The following ALS2CL variants were observed in gnomAD, a reference collection of about 807,000 sequenced individuals.
ALS2CL encodes ALS2 C-terminal like, also known as ALS2 C-terminal-like protein.
ALS2CL carries 112 observed loss-of-function variants against 127.9 expected under a neutral mutation model. The ratio of observed to expected loss-of-function variants is 0.88; its 90% confidence interval spans 0.75 to 1.02. The LOEUF is 1.02. Among genes scored for constraint, ALS2CL ranks in the 50% least tolerant of loss-of-function variants. ALS2CL has a pLI of 0.00. For synonymous variants in ALS2CL, 519 were observed against 527.6 expected, an observed-to-expected ratio of 0.98 and a Z score of 0.22; for missense variants, 1,174 against 1,236.7, an observed-to-expected ratio of 0.95 and a Z score of 0.76.
rs746247404 is a variant in ALS2CL, at chr3:46,671,881, C to A, written c.2684+3G>T. ...CTGCACCCCCAGCTCCTGACTGCCT[C>A]ACCGGGCGCGCGACACCACGTAGAT... On this transcript the variant is annotated splice_donor_region_variant and intron_variant, in intron 24 of 25. Coordinates refer to ENST00000318962, the MANE Select transcript of ALS2CL (RefSeq NM_147129.5). The A allele has an allele frequency of 7.4e-6, 12 of 1,613,418 alleles. 1 individual carries two copies. The Admixed American group carries it at 1.8e-4, about 25-fold the overall frequency.
chr3:46,687,281 G>C, intron 4 of ALS2CL, 133 bp from the exon 5 acceptor site: 4 of 992,696 alleles, frequency 4.0e-6, no homozygotes, highest in Non-Finnish European at 5.7e-6. Flanking sequence ...TACCCTATCA[G>C]ATCAACACAG....
chr3:46,676,091 C>A (rs1575414756), intron 19 of ALS2CL, 154 bp downstream of exon 19: 1 of 1,380,738 alleles, frequency 7.2e-7, no homozygotes, highest in Middle Eastern at 2.6e-4. Flanking sequence ...CACCCTCTAA[C>A]CCTTTTGCTC....
intron 18 of ALS2CL, 105 bp from the exon 19 acceptor site, chr3:46,676,507 A>C: frequency 6.4e-7 from 1 of 1,558,576 alleles, no homozygotes; most frequent in Non-Finnish European, 8.8e-7. Context: ...ACACGAGAAC[A>C]CTGAGGTCCT....
chr3:46,692,341 G>A (rs1700208955), intron 1 of ALS2CL, among the ~76,000 whole-genome samples: 1 of 152,124 alleles, frequency 6.6e-6, no homozygotes, highest in Admixed American at 6.5e-5. Context: ...GGATCCTGCA[G>A]GAGTACCCCC....
rs769563886 is a variant in ALS2CL, at chr3:46,681,865, G to A, written c.1175+164C>T. On this transcript the variant is annotated intron_variant, in intron 11 of 25. Transcript: ENST00000318962. The surrounding 1 kb of genome is among the most constrained non-coding windows in gnomAD (Gnocchi z 4.9). Reference sequence around the variant, plus strand: ...AGACGGGCCCCCTATTCAGGCCCCCGGTTCCCCTTTGGTACAGTGGGCGGG... The same window carrying A: ...AGACGGGCCCCCTATTCAGGCCCCCAGTTCCCCTTTGGTACAGTGGGCGGG... 2.2e-4 allele frequency among the ~76,000 whole-genome samples: 34 copies of A among 152,204 alleles called. No individual in the cohort carries two copies. The highest frequency in any genetic ancestry group is 4.8e-4 in the African/African-American group (20 of 41,532).
chr3:46,672,430 C>A (rs1264611102), intron 22 of ALS2CL, among the ~76,000 whole-genome samples: 2 of 152,202 alleles, frequency 1.3e-5, no homozygotes, highest in African/African-American at 4.8e-5. Flanking sequence ...TTGGGAGGAT[C>A]CAAACGGATA....
intron 6 of ALS2CL, 52 bp from the exon 7 acceptor site, chr3:46,685,696 C>T (rs1046174892): frequency 1.3e-6 from 2 of 1,560,934 alleles, no homozygotes; most frequent in African/African-American, 1.4e-5. Flanking sequence ...GTCCTGCAAG[C>T]TGCCTGCCAC....
chr3:46,671,080 C>A lies in ALS2CL; in HGVS notation c.2782-16G>T. ...CGTAACAGGACTGGAGGGAGAGAGG[C>A]AAGGCTGAGGCCAGTTGACCTGCCT... On this transcript the variant is annotated splice_polypyrimidine_tract_variant and intron_variant, in intron 25 of 25. Transcript: ENST00000318962. The A allele has an allele frequency of 6.2e-7, 1 of 1,613,116 alleles. No individual in the cohort carries two copies. Among genetic ancestry groups the A allele is most frequent in the South Asian group, 1.1e-5 (1 of 91,060 alleles).
rs1699749003 is a variant in ALS2CL, at chr3:46,686,106, G to T, written c.666+202C>A. Among the ~76,000 whole-genome samples, 1 of 152,200 alleles carries T rather than the reference G, an allele frequency of 6.6e-6. No individual in the cohort carries two copies. The highest frequency in any genetic ancestry group is 1.5e-5 in the Non-Finnish European group (1 of 68,036). On this transcript the variant is annotated intron_variant, in intron 6 of 25. Transcript: ENST00000318962. The surrounding 1 kb of genome is among the most constrained non-coding windows in gnomAD (Gnocchi z 4.3). ...ATTGCCTCTTCCCTAGGCCGGGTCA[G>T]GGCCTGGCCCAGGACGTGCTCAGCA... is the stretch of plus-strand genomic sequence containing the variant.
intron 14 of ALS2CL, 196 bp from the exon 15 acceptor site, chr3:46,679,483 A>C: frequency 2.5e-6 from 1 of 404,636 alleles, no homozygotes; most frequent in Non-Finnish European, 4.4e-6. Flanking sequence ...AGCCCCGAGG[A>C]CCCCATCCCT....
chr3:46,685,450 C>T, intron 7 of ALS2CL, 75 bp downstream of exon 7: 2 of 1,580,632 alleles, frequency 1.3e-6, no homozygotes, highest in South Asian at 1.1e-5. Context: ...CAGCATGCCC[C>T]TTTACTGCTC....
At chr3:46,692,338 G>C (rs1042564498) in intron 1 of ALS2CL, among the ~76,000 whole-genome samples, 1 of 152,118 alleles carries the variant, frequency 6.6e-6, no homozygotes, top group African/African-American at 2.4e-5. Context: ...GGAGGATCCT[G>C]CAGGAGTACC....
At chr3:46,673,501 G>C in intron 21 of ALS2CL, 120 bp from the exon 22 acceptor site, 1 of 1,052,184 alleles carries the variant, frequency 9.5e-7, no homozygotes, top group Non-Finnish European at 1.4e-6. Flanking sequence ...AAAAGGGGAA[G>C]GAGATCAGCC....
At chr3:46,684,177 G>A (rs781231650) in intron 7 of ALS2CL, 130 bp from the exon 8 acceptor site, 3 of 1,070,132 alleles carry the variant, frequency 2.8e-6, no homozygotes, top group Admixed American at 2.0e-5. Context: ...GTCCAGGACT[G>A]AGTCCCTCTC....
Position 46,688,239 on chromosome 3 carries a change from T to C in ALS2CL, c.161A>G (p.His54Arg), listed in dbSNP as rs559406037. The change falls in exon 3 of 26, where the codon CAC (histidine) becomes CGC (arginine). Residue 54 changes from histidine (H) to arginine (R), a missense_variant. Coordinates refer to ENST00000318962, the MANE Select transcript of ALS2CL (RefSeq NM_147129.5). ...CTCCCAGAGTTGCTGGGAGCTCTTG[T>C]GCAGCTGTTGCAAGAGCCGCAGGCA... Reference protein sequence around the residue: ...RECLRLLQQLHKSSQQLWEVT... With the variant: ...RECLRLLQQLRKSSQQLWEVT... 13 of 1,612,992 alleles carry C rather than the reference T, an allele frequency of 8.1e-6. No homozygotes were observed. The South Asian group carries it at 1.4e-4, about 18-fold the overall frequency.
At chr3:46,687,379 C>T (rs1463772387) in intron 4 of ALS2CL, among the ~76,000 whole-genome samples, 1 of 152,228 alleles carries the variant, frequency 6.6e-6, no homozygotes, top group Non-Finnish European at 1.5e-5. Context: ...AAGGGATTCC[C>T]CTCCTTCCCC....
At chr3:46,688,867 A>T (rs1023199303) in intron 2 of ALS2CL, among the ~76,000 whole-genome samples, 1 of 152,230 alleles carries the variant, frequency 6.6e-6, no homozygotes, top group African/African-American at 2.4e-5. Context: ...GAGGAATTCC[A>T]TCTCTTTGTA....
chr3:46,687,808 C>T (rs2106743377), intron 3 of ALS2CL, 124 bp from the exon 4 acceptor site: 1 of 1,051,808 alleles, frequency 9.5e-7, no homozygotes, highest in East Asian at 2.6e-5. Context: ...CACACAGTGG[C>T]CTGGCTCTGG....
chr3:46,682,998 CTG>C, intron 10 of ALS2CL, 130 bp downstream of exon 10: 1 of 1,000,500 alleles, frequency 1.0e-6, no homozygotes, highest in South Asian at 1.9e-5. Context: ...AAGAGGGACT[CTG>C]AGAATTGACT....
Sources: allele counts gnomAD v4.1 joint callset (sites outside exome capture counted in the v4.1 genomes callset), GRCh38; gene constraint gnomAD v4.1.1; non-coding constraint Gnocchi (gnomAD v3.1); transcripts MANE v1.5; gene names NCBI Gene and HGNC (gene_info 2026-07-23, HGNC 2026-07-21).